IPCEF1: variants seen among roughly 807,000 people sequenced by gnomAD.
The protein encoded by IPCEF1 is interactor protein for cytohesin exchange factors 1.
Under a neutral mutation model 50.9 loss-of-function variants are expected in IPCEF1, and 31 were observed. The observed-to-expected ratio is 0.61, with a 90% confidence interval of 0.46 to 0.82. The LOEUF is 0.82. Among genes scored for constraint, IPCEF1 ranks in the 40% least tolerant of loss-of-function variants. IPCEF1 has a pLI of 0.00. For missense variants in IPCEF1, 458 were observed against 514.0 expected (o/e 0.89, Z 1.05); for synonymous variants, 181 against 192.0 (o/e 0.94, Z 0.47).
chr6:154,251,746 G>A (rs7748551), intron 3 of IPCEF1, among the ~76,000 whole-genome samples: 68,119 of 151,860 alleles, frequency 0.45, 15,935 homozygotes, highest in Admixed American at 0.57. Flanking sequence ...TGGATACCAC[G>A]GCACTTTCCA....
At chr6:154,208,232 T>G (rs1270643870) in intron 9 of IPCEF1, among the ~76,000 whole-genome samples, 1 of 152,172 alleles carries the variant, frequency 6.6e-6, no homozygotes, top group Non-Finnish European at 1.5e-5. Context: ...TCATCTTGGT[T>G]CACCCCGCGT....
At chr6:154,274,123 T>C (rs1042905072) in intron 2 of IPCEF1, among the ~76,000 whole-genome samples, 2 of 151,840 alleles carry the variant, frequency 1.3e-5, no homozygotes, top group Non-Finnish European at 2.9e-5. Context: ...TGCTATAGAA[T>C]ATTCTCATTC....
At chr6:154,217,932 A>C (rs745528536) in intron 7 of IPCEF1, among the ~76,000 whole-genome samples, 8 of 152,246 alleles carry the variant, frequency 5.3e-5, no homozygotes, top group African/African-American at 1.9e-4. Context: ...TGTTGACAAT[A>C]AAGAAAATAT....
intron 10 of IPCEF1, among the ~76,000 whole-genome samples, chr6:154,170,584 AC>A (rs746833189): frequency 5.3e-5 from 8 of 152,360 alleles, no homozygotes; most frequent in African/African-American, 7.2e-5. Context: ...AAACCGTCTC[AC>A]AAAAGGGAAG....
At chr6:154,252,469 G>A (rs1395132019) in intron 3 of IPCEF1, among the ~76,000 whole-genome samples, 1 of 152,142 alleles carries the variant, frequency 6.6e-6, no homozygotes, top group Non-Finnish European at 1.5e-5. Flanking sequence ...GAGATCAGGA[G>A]TTCAAGAACA....
chr6:154,245,579 T>C (rs959057370), intron 5 of IPCEF1, among the ~76,000 whole-genome samples: 1 of 152,252 alleles, frequency 6.6e-6, no homozygotes, highest in Non-Finnish European at 1.5e-5. Flanking sequence ...TTACATGATG[T>C]ACAGCTCTGT....
chr6:154,175,239 A>C (rs901282655), intron 10 of IPCEF1, among the ~76,000 whole-genome samples: 1 of 152,194 alleles, frequency 6.6e-6, no homozygotes, highest in Non-Finnish European at 1.5e-5. Context: ...TAAAATTGAC[A>C]CCCTAACATC....
At chr6:154,301,058 T>G (rs1229999218) in intron 1 of IPCEF1, among the ~76,000 whole-genome samples, 1 of 152,248 alleles carries the variant, frequency 6.6e-6, no homozygotes, top group Non-Finnish European at 1.5e-5. Context: ...GTCAATTATC[T>G]TGGCACATAC....
intron 10 of IPCEF1, among the ~76,000 whole-genome samples, chr6:154,192,968 T>C (rs1802058306): frequency 6.6e-6 from 1 of 152,022 alleles, no homozygotes; most frequent in Non-Finnish European, 1.5e-5. Context: ...GGCGATTCCT[T>C]AAAGAACTAA....
At chr6:154,322,397 CA>C (rs1562288827) in intron 1 of IPCEF1, among the ~76,000 whole-genome samples, 99 of 151,886 alleles carry the variant, frequency 6.5e-4, no homozygotes, top group Middle Eastern at 3.4e-3. Flanking sequence ...CACACACACA[CA>C]CACACCCCTA....
At position 154,159,617 on chromosome 6, in the gene IPCEF1, A is replaced by G; in HGVS notation, c.*211T>C. ...AAAAAACGCCTTTCAACTGAACTCA[A>G]TCATTCCAATCTCAATGGATGCGTT... On this transcript the variant is annotated 3_prime_UTR_variant, in exon 12 of 12. Coordinates refer to ENST00000367220, the MANE Select transcript of IPCEF1 (RefSeq NM_001130700.2). The G allele has an allele frequency of 7.1e-6, 4 of 564,500 alleles. No homozygotes were observed. The South Asian group carries it at 9.2e-5, about 13-fold the overall frequency. The allele number at this position is 564,500 out of a possible 1,614,324, so 35.0% of individuals were successfully genotyped here. A position where few individuals can be genotyped will look rare whatever the true frequency, so the allele number is the denominator to read the frequency against.
chr6:154,196,128 A>C (rs11970612), intron 10 of IPCEF1, among the ~76,000 whole-genome samples: 14,645 of 152,134 alleles, frequency 0.096, 1,090 homozygotes, highest in African/African-American at 0.2. Flanking sequence ...CACAAAGTAC[A>C]TCAGCACATG....
intron 9 of IPCEF1, among the ~76,000 whole-genome samples, chr6:154,201,139 C>T (rs1777037059): frequency 6.6e-6 from 1 of 152,186 alleles, no homozygotes; most frequent in Admixed American, 6.5e-5. Context: ...TTTCCTGAGG[C>T]CTCCCCAGCC....
intron 1 of IPCEF1, among the ~76,000 whole-genome samples, chr6:154,318,604 C>T (rs1783287838): frequency 6.6e-6 from 1 of 151,092 alleles, no homozygotes; most frequent in African/African-American, 2.4e-5. Flanking sequence ...CTAGTCTCAG[C>T]ACTTTGGGAG....
Position 154,214,248 on chromosome 6 carries a change from T to G in IPCEF1, c.421A>C (p.Ile141Leu), listed in dbSNP as rs770986399. 20 of 1,611,626 alleles carry G rather than the reference T, an allele frequency of 1.2e-5. 1 individual carries two copies. The South Asian group carries it at 2.0e-4, about 16-fold the overall frequency. Residue 141 changes from isoleucine to leucine, a missense_variant, in exon 8 of 12, where the codon ATC becomes CTC. Physicochemically the swap from Ile to Leu is conservative, Grantham distance 5. Transcript: ENST00000367220. Reference protein sequence around the residue: ...VWLNKLGSAVIHQESTTKDEE... With the variant: ...VWLNKLGSAVLHQESTTKDEE... ...TCCTTTGTAGTGGATTCCTGATGGA[T>G]TACAGCCGATCCAAGTTTATTTAAC...
At position 154,168,714 on chromosome 6, in the gene IPCEF1, T is replaced by C. The variant is rs1232164149; in HGVS notation, c.911-601A>G. 6.6e-6 allele frequency among the ~76,000 whole-genome samples: 1 copy of C among 152,112 alleles called. No homozygotes were observed. The highest frequency in any genetic ancestry group is 1.5e-5 in the Non-Finnish European group (1 of 68,020). ...TACACCTCCCAGGTTCAAGTGATTC[T>C]CCTGTCTCAGCCTCCCAAGTAGCTG... On this transcript the variant is annotated intron_variant, in intron 10 of 11. Transcript: ENST00000367220. The surrounding 1 kb of genome is among the most constrained non-coding windows in gnomAD (Gnocchi z 4.1).
In IPCEF1 at chr6:154,285,755, C is replaced by T. The variant is rs749095419; in HGVS notation, c.-18+3958G>A. Among the ~76,000 whole-genome samples, 44 of 152,098 alleles carry T rather than the reference C, an allele frequency of 2.9e-4. 1 individual carries two copies. The highest frequency in any genetic ancestry group is 4.6e-4 in the Admixed American group (7 of 15,256). On this transcript the variant is annotated intron_variant, in intron 2 of 11. Coordinates refer to ENST00000367220, the MANE Select transcript of IPCEF1 (RefSeq NM_001130700.2). ...ACTGCCAGCATACAAGTTTTTAACACAGAGTTTATTTTAAAATAAGGCAAG... is the reference window on the plus strand; with the variant it reads ...ACTGCCAGCATACAAGTTTTTAACATAGAGTTTATTTTAAAATAAGGCAAG...
intron 3 of IPCEF1, among the ~76,000 whole-genome samples, chr6:154,261,743 C>A (rs1281234482): frequency 6.6e-6 from 1 of 151,764 alleles, no homozygotes; most frequent in East Asian, 1.9e-4. Flanking sequence ...TTTTTAGCAC[C>A]ACTTACCATA....
At chr6:154,221,011 T>C (rs1373183547) in intron 7 of IPCEF1, among the ~76,000 whole-genome samples, 1 of 152,256 alleles carries the variant, frequency 6.6e-6, no homozygotes, top group Non-Finnish European at 1.5e-5. Context: ...TTTAATGACT[T>C]CTGTCCACTC....
Sources: allele counts gnomAD v4.1 joint callset (sites outside exome capture counted in the v4.1 genomes callset), GRCh38; gene constraint gnomAD v4.1.1; non-coding constraint Gnocchi (gnomAD v3.1); transcripts MANE v1.5; gene names NCBI Gene and HGNC (gene_info 2026-07-23, HGNC 2026-07-21).